ROR1: variants seen among roughly 807,000 people sequenced by gnomAD.
ROR1 encodes inactive tyrosine-protein kinase transmembrane receptor ROR1.
A neutral mutation model predicts 78.8 loss-of-function variants in ROR1; 19 were observed. That is an observed-to-expected ratio of 0.24 (90% confidence interval 0.17 to 0.35). The LOEUF (loss-of-function observed/expected upper bound fraction) is 0.35. ROR1 is among the 10% of genes least tolerant of loss of function. The pLI is 1.00. For missense variants in ROR1, 917 were observed against 1,177.8 expected, an observed-to-expected ratio of 0.78 and a Z score of 3.24; for synonymous variants, 386 against 433.6, an observed-to-expected ratio of 0.89 and a Z score of 1.36.
chr1:63,983,808 AT>A (rs1177054387), intron 1 of ROR1, among the ~76,000 whole-genome samples: 1 of 152,180 alleles, frequency 6.6e-6, no homozygotes, highest in African/African-American at 2.4e-5. Context: ...TCTGTCATCA[AT>A]GAGCTGAATG....
chr1:63,928,671 C>G lies in ROR1; in HGVS notation c.92-80634C>G, dbSNP rs1055724730. 2.6e-5 allele frequency among the ~76,000 whole-genome samples: 4 copies of G among 152,212 alleles called. No homozygotes were observed. In the South Asian group the frequency reaches 8.3e-4, roughly 32 times the overall value. ...TGTTTGAATCCTAATTCTGCCATTA[C>G]TAGCTGTGGGACTTTGTCATCACAA... On this transcript the variant is annotated intron_variant, in intron 1 of 8. Coordinates refer to ENST00000371079, the MANE Select transcript of ROR1 (RefSeq NM_005012.4).
At chr1:64,053,929 A>C (rs1646853245) in intron 4 of ROR1, among the ~76,000 whole-genome samples, 1 of 146,308 alleles carries the variant, frequency 6.8e-6, no homozygotes, top group African/African-American at 2.8e-5. Flanking sequence ...AATTAGACAA[A>C]TTTGTTTTTC....
chr1:63,792,698 A>T (rs1644734410), intron 1 of ROR1, among the ~76,000 whole-genome samples: 1 of 152,254 alleles, frequency 6.6e-6, no homozygotes, highest in South Asian at 2.1e-4. Context: ...ATATCACTTT[A>T]TTCTTCTTCT....
chr1:64,086,227 A>G (rs889985092), intron 4 of ROR1, among the ~76,000 whole-genome samples: 2 of 152,252 alleles, frequency 1.3e-5, no homozygotes, highest in Admixed American at 6.5e-5. Context: ...GGATGATACA[A>G]CCATTTTACA....
chr1:63,850,921 C>T (rs1033761471), intron 1 of ROR1, among the ~76,000 whole-genome samples: 1 of 152,126 alleles, frequency 6.6e-6, no homozygotes, highest in African/African-American at 2.4e-5. Flanking sequence ...GGACCTTGCT[C>T]TCTATATCAG....
chr1:63,807,690 A>G (rs1488942289), intron 1 of ROR1, among the ~76,000 whole-genome samples: 1 of 152,178 alleles, frequency 6.6e-6, no homozygotes, highest in African/African-American at 2.4e-5. Flanking sequence ...GAAGGCAGGG[A>G]TGATGCCCTA....
At chr1:63,996,329 T>G (rs896728766) in intron 1 of ROR1, among the ~76,000 whole-genome samples, 1 of 152,198 alleles carries the variant, frequency 6.6e-6, no homozygotes, top group East Asian at 1.9e-4. Context: ...TCCCAACTTA[T>G]GCTCTGCTAA....
intron 1 of ROR1, among the ~76,000 whole-genome samples, chr1:63,859,425 A>G (rs1389302792): frequency 6.6e-6 from 1 of 152,136 alleles, no homozygotes; most frequent in Admixed American, 6.5e-5. Context: ...AAAATTTAAT[A>G]GTAAATATGT....
intron 4 of ROR1, among the ~76,000 whole-genome samples, chr1:64,099,471 C>CT (rs1293815674): frequency 6.6e-6 from 1 of 152,062 alleles, no homozygotes; most frequent in Non-Finnish European, 1.5e-5. Flanking sequence ...GTCATCGGAG[C>CT]ATCTGAACTC....
chr1:63,917,799 G>T (rs929930991), intron 1 of ROR1, among the ~76,000 whole-genome samples: 2 of 152,152 alleles, frequency 1.3e-5, no homozygotes, highest in Non-Finnish European at 2.9e-5. Context: ...GTTGCCACCT[G>T]CCCCTGGTGG....
intron 1 of ROR1, among the ~76,000 whole-genome samples, chr1:63,990,975 A>G (rs1646291085): frequency 6.6e-6 from 1 of 152,180 alleles, no homozygotes; most frequent in Non-Finnish European, 1.5e-5. Flanking sequence ...CTGGAGTGCA[A>G]TGGTGCAATA....
intron 1 of ROR1, among the ~76,000 whole-genome samples, chr1:63,972,190 C>G (rs1237911158): frequency 1.3e-5 from 2 of 152,184 alleles, no homozygotes; most frequent in Non-Finnish European, 2.9e-5. Context: ...TGCCATCTAA[C>G]CTGGGCTCTC....
intron 1 of ROR1, among the ~76,000 whole-genome samples, chr1:63,952,343 A>G (rs1269609915): frequency 1.3e-5 from 2 of 152,144 alleles, no homozygotes; most frequent in Non-Finnish European, 2.9e-5. Flanking sequence ...GTGATGGAGG[A>G]CCTAGGTAAG....
At chr1:63,952,271 C>A (rs896726161) in intron 1 of ROR1, among the ~76,000 whole-genome samples, 1 of 151,812 alleles carries the variant, frequency 6.6e-6, no homozygotes, top group Non-Finnish European at 1.5e-5. Flanking sequence ...GAAAGGCCCC[C>A]AAACAGGAAC....
intron 1 of ROR1, among the ~76,000 whole-genome samples, chr1:63,988,211 T>C (rs285352): frequency 0.66 from 100,745 of 152,128 alleles, 37,961 homozygotes; most frequent in East Asian, 0.94. Context: ...CCCAGCTGTC[T>C]CAGGGTCCAG....
At chr1:63,848,593 T>C (rs1264576180) in intron 1 of ROR1, among the ~76,000 whole-genome samples, 1 of 152,064 alleles carries the variant, frequency 6.6e-6, no homozygotes, top group African/African-American at 2.4e-5. Context: ...TCTAAAATTA[T>C]TCTTTTTGCT....
At chr1:63,837,770 G>A (rs909738837) in intron 1 of ROR1, among the ~76,000 whole-genome samples, 4 of 152,184 alleles carry the variant, frequency 2.6e-5, no homozygotes, top group Non-Finnish European at 4.4e-5. Flanking sequence ...GCAGTGAACC[G>A]TGATTGTGCC....
At chr1:63,821,575 A>G (rs115552283) in intron 1 of ROR1, among the ~76,000 whole-genome samples, 2 of 152,312 alleles carry the variant, frequency 1.3e-5, no homozygotes, top group African/African-American at 4.8e-5. Flanking sequence ...CCAAAAGGAG[A>G]AAAATCTGTC....
intron 2 of ROR1, among the ~76,000 whole-genome samples, chr1:64,035,809 T>C (rs527311049): frequency 6.6e-6 from 1 of 152,260 alleles, no homozygotes; most frequent in African/African-American, 2.4e-5. Context: ...TTGGTTCTCG[T>C]TCCTCCCGAA....
Sources: gnomAD v4.1 joint callset for allele counts (sites outside exome capture counted in the v4.1 genomes callset) on GRCh38, gnomAD v4.1.1 for gene constraint, MANE v1.5 for transcripts, NCBI Gene and HGNC (gene_info 2026-07-23, HGNC 2026-07-21) for gene names.